Variants in PTPRN2 observed in about 807,000 individuals in gnomAD.
The protein encoded by PTPRN2 is protein tyrosine phosphatase receptor type N2.
PTPRN2 carries 74 observed loss-of-function variants against 118.8 expected under a neutral mutation model. The ratio of observed to expected loss-of-function variants is 0.62; its 90% confidence interval spans 0.52 to 0.76. PTPRN2 has a LOEUF of 0.76. Ranked by LOEUF, PTPRN2 falls within the 30% of genes least tolerant of loss-of-function variation. The pLI is 0.00. For synonymous variants in PTPRN2, 641 were observed against 608.0 expected, an observed-to-expected ratio of 1.05 and a Z score of -0.80; for missense variants, 1,481 against 1,394.4, an observed-to-expected ratio of 1.06 and a Z score of -0.99.
In PTPRN2 at chr7:158,337,594, CA is replaced by C. The variant is rs1156978715; in HGVS notation, c.164-20663del. On this transcript the variant is annotated intron_variant, in intron 2 of 22. Coordinates refer to ENST00000389418, the MANE Select transcript of PTPRN2 (RefSeq NM_002847.5). ...ATTGGTGACACCTGCAGACGTCACT[CA>C]CACCCACACTCTCACCATAAGAGGA... Among the ~76,000 whole-genome samples the C allele has an allele frequency of 3.4e-3, 349 of 101,668 alleles. 18 individuals are homozygous for C. The highest frequency in any genetic ancestry group is 0.011 in the African/African-American group (314 of 28,912). 66.7% of individuals were successfully genotyped at this position (101,668 alleles called of 152,430 possible).
At chr7:158,420,932 T>A (rs565011949) in intron 2 of PTPRN2, among the ~76,000 whole-genome samples, 1 of 152,120 alleles carries the variant, frequency 6.6e-6, no homozygotes, top group East Asian at 1.9e-4. Context: ...ACGCCCTGGG[T>A]TCCAACAGGG....
intron 11 of PTPRN2, among the ~76,000 whole-genome samples, chr7:158,068,330 C>T (rs1288006028): frequency 1.3e-5 from 2 of 152,200 alleles, no homozygotes; most frequent in East Asian, 1.9e-4. Flanking sequence ...GCCGAGGGTA[C>T]GGTGCAGTGC....
chr7:158,085,883 C>T (rs1442234451), intron 10 of PTPRN2, among the ~76,000 whole-genome samples: 2 of 150,422 alleles, frequency 1.3e-5, no homozygotes, highest in Non-Finnish European at 3.0e-5. Flanking sequence ...ACCTACGACG[C>T]CCATCCACAC....
At chr7:157,848,078 A>C (rs569446130) in intron 12 of PTPRN2, among the ~76,000 whole-genome samples, 1 of 138,482 alleles carries the variant, frequency 7.2e-6, no homozygotes, top group South Asian at 2.4e-4. Context: ...TCACTCCCTC[A>C]TGGGTGCCGT....
intron 12 of PTPRN2, among the ~76,000 whole-genome samples, chr7:157,687,777 T>C (rs1797268327): frequency 6.6e-6 from 1 of 152,234 alleles, no homozygotes; most frequent in African/African-American, 2.4e-5. Flanking sequence ...TTTTAAGTTT[T>C]CAGGCCATAG....
intron 12 of PTPRN2, among the ~76,000 whole-genome samples, chr7:157,782,001 C>T (rs928934008): frequency 6.6e-6 from 1 of 152,250 alleles, no homozygotes; most frequent in African/African-American, 2.4e-5. Flanking sequence ...AAGCTTGCCA[C>T]AGACGGGAGT....
intron 14 of PTPRN2, among the ~76,000 whole-genome samples, chr7:157,635,343 T>G (rs1804246728): frequency 6.6e-6 from 1 of 152,254 alleles, no homozygotes; most frequent in South Asian, 2.1e-4. Context: ...AAAGGCCTCT[T>G]GTGTCCAAGG....
chr7:157,880,357 C>T (rs539621285), intron 12 of PTPRN2, among the ~76,000 whole-genome samples: 195 of 152,302 alleles, frequency 1.3e-3, no homozygotes, highest in Non-Finnish European at 1.4e-3. Context: ...GGAAATACAT[C>T]GCAAAGGAAA....
At chr7:158,171,316 T>TACACACATAC (rs1464576505) in intron 5 of PTPRN2, among the ~76,000 whole-genome samples, 1 of 92,062 alleles carries the variant, frequency 1.1e-5, no homozygotes, top group African/African-American at 4.7e-5. Flanking sequence ...CACATATATA[T>TACACACATAC]ATATATATAT....
At chr7:158,431,177 ACACACTGCCTCACAGCGGGCT>A (rs1484339156) in intron 2 of PTPRN2, among the ~76,000 whole-genome samples, 10 of 152,272 alleles carry the variant, frequency 6.6e-5, no homozygotes, top group Non-Finnish European at 1.3e-4. Context: ...AGCCCCAGGC[ACACACTGCCTCACAGCGGGCT>A]CACACTGGGC....
chr7:157,922,846 C>G (rs1798762146), intron 11 of PTPRN2, among the ~76,000 whole-genome samples: 1 of 152,232 alleles, frequency 6.6e-6, no homozygotes, highest in Admixed American at 6.5e-5. Flanking sequence ...ATCCTGAGGT[C>G]ACTCGCTTAC....
At chr7:158,173,755 G>A (rs1276955458) in intron 5 of PTPRN2, among the ~76,000 whole-genome samples, 2 of 152,164 alleles carry the variant, frequency 1.3e-5, no homozygotes, top group Non-Finnish European at 2.9e-5. Context: ...CCCTGGGAAT[G>A]CATTCCTTCC....
At chr7:157,696,344 C>G in intron 12 of PTPRN2, among the ~76,000 whole-genome samples, 5 of 124,142 alleles carry the variant, frequency 4.0e-5, no homozygotes, top group Admixed American at 7.9e-5. Flanking sequence ...GAGCCCTCAC[C>G]ATCTACTCAT....
At chr7:157,859,899 T>C (rs1414188270) in intron 12 of PTPRN2, among the ~76,000 whole-genome samples, 7 of 113,388 alleles carry the variant, frequency 6.2e-5, no homozygotes, top group African/African-American at 2.1e-4. Context: ...TACACACTCC[T>C]GCAGGGAGAG....
intron 11 of PTPRN2, among the ~76,000 whole-genome samples, chr7:157,975,590 A>G (rs1216403976): frequency 6.6e-6 from 1 of 152,104 alleles, no homozygotes; most frequent in Non-Finnish European, 1.5e-5. Flanking sequence ...TGTGCTTTTC[A>G]GTGAGTGTCA....
At chr7:158,064,441 G>A (rs1810604760) in intron 11 of PTPRN2, among the ~76,000 whole-genome samples, 1 of 152,158 alleles carries the variant, frequency 6.6e-6, no homozygotes, top group South Asian at 2.1e-4. Context: ...AGAGACTGGG[G>A]TCACAGCCAT....
At chr7:158,245,778 C>G (rs962434518) in intron 3 of PTPRN2, among the ~76,000 whole-genome samples, 1 of 152,116 alleles carries the variant, frequency 6.6e-6, no homozygotes, top group Non-Finnish European at 1.5e-5. Flanking sequence ...TGGAAGCAGC[C>G]GGCTCAGGGC....
At chr7:158,272,793 G>A (rs1563071672) in intron 3 of PTPRN2, among the ~76,000 whole-genome samples, 1 of 152,196 alleles carries the variant, frequency 6.6e-6, no homozygotes, top group Non-Finnish European at 1.5e-5. Flanking sequence ...AGGTGTGAGG[G>A]CCATCGGGGA....
chr7:157,568,348 C>T (rs1409534189), intron 21 of PTPRN2, among the ~76,000 whole-genome samples: 4 of 152,156 alleles, frequency 2.6e-5, no homozygotes, highest in Non-Finnish European at 4.4e-5. Flanking sequence ...TCCCACAGCA[C>T]GCACAGAGAT....
Sources: gnomAD v4.1 joint callset for allele counts (sites outside exome capture counted in the v4.1 genomes callset) on GRCh38, gnomAD v4.1.1 for gene constraint, MANE v1.5 for transcripts, NCBI Gene and HGNC (gene_info 2026-07-23, HGNC 2026-07-21) for gene names.